The following ITGB4 variants were observed in gnomAD, a reference collection of about 807,000 sequenced individuals.
The protein encoded by ITGB4 is integrin subunit beta 4.
In ITGB4, 159 loss-of-function variants were observed where a neutral mutation model predicts 207.6. The ratio of observed to expected loss-of-function variants is 0.77; its 90% CI spans 0.67 to 0.87. The LOEUF (loss-of-function observed/expected upper bound fraction) is 0.87. Among genes scored for constraint, ITGB4 ranks in the 40% least tolerant of loss-of-function variants. The pLI is 0.00. For synonymous variants in ITGB4, 1,020 were observed against 1,062.7 expected, an observed-to-expected ratio of 0.96 and a Z score of 0.78; for missense variants, 2,278 against 2,546.8, an observed-to-expected ratio of 0.89 and a Z score of 2.27.
rs80224547 is a variant in ITGB4, at chr17:75,757,494, G to A, written c.5408G>A (p.Arg1803Gln). The A allele has an allele frequency of 8.5e-4, 1,375 of 1,613,090 alleles. 13 individuals carry two copies. In the African/African-American group the frequency reaches 0.015, roughly 18 times the overall value. The change falls in exon 40 of 40, where the codon CGG (arginine) becomes CAG (glutamine). Residue 1803 changes from arginine (R) to glutamine (Q), a missense_variant. Coordinates refer to ENST00000200181, the MANE Select transcript of ITGB4 (RefSeq NM_000213.5). ...CATGTGACCCAGGAGTTTGTGAGCC[G>A]GACACTGACCACCAGCGGAACCCTT... ...TRHVTQEFVS[R>Q]TLTTSGTLST... is the part of the protein sequence containing the mutation.
intron 1 of ITGB4, among the ~76,000 whole-genome samples, chr17:75,724,432 G>T (rs1240194051): frequency 6.6e-5 from 10 of 152,264 alleles, no homozygotes; most frequent in Admixed American, 3.3e-4. Flanking sequence ...CCTGGCACTG[G>T]GACAAACTCG....
intron 7 of ITGB4, among the ~76,000 whole-genome samples, chr17:75,730,009 G>A (rs2060814560): frequency 6.6e-6 from 1 of 152,250 alleles, no homozygotes; most frequent in African/African-American, 2.4e-5. Flanking sequence ...TGGGTGTGAT[G>A]CACGCCTGTG....
At chr17:75,736,745 A>G (rs763901032) in intron 16 of ITGB4, 51 bp downstream of exon 16, 20 of 1,562,576 alleles carry the variant, frequency 1.3e-5, no homozygotes, top group Non-Finnish European at 1.6e-5. Context: ...GGCAGCGGGC[A>G]TCCAACGGGG....
Position 75,729,327 on chromosome 17 carries a change from C to T in ITGB4, c.629C>T (p.Thr210Ile). 1.2e-6 allele frequency: 2 copies of T among 1,614,160 alleles called. No individual in the cohort carries two copies. The highest frequency in any genetic ancestry group is 1.7e-6 in the Non-Finnish European group (2 of 1,180,020). Residue 210 changes from threonine to isoleucine, a missense_variant, in exon 7 of 40, where the codon ACA becomes ATA. Transcript: ENST00000200181. This position sits in a 1 kb window ranked among gnomAD's most constrained non-coding sequence, Gnocchi z 4.4. ...PFSFKNVISLTEDVDEFRNKL... is the reference protein window; with the variant it reads ...PFSFKNVISLIEDVDEFRNKL... ...TCCTTCAAGAACGTCATCAGCCTGA[C>T]AGAAGATGTGGATGAGTTCCGGAAT... is the stretch of plus-strand genomic sequence containing the variant.
chr17:75,726,036 C>G (rs2060710877), intron 2 of ITGB4, among the ~76,000 whole-genome samples: 1 of 152,252 alleles, frequency 6.6e-6, no homozygotes, highest in Non-Finnish European at 1.5e-5. Context: ...CCGAGTGTGC[C>G]AGTGCCACTG....
intron 25 of ITGB4, among the ~76,000 whole-genome samples, chr17:75,743,288 A>C (rs1183023207): frequency 6.6e-6 from 1 of 152,042 alleles, no homozygotes; most frequent in Non-Finnish European, 1.5e-5. Context: ...GCTGGAGTGC[A>C]ATGGCACCAT....
intron 6 of ITGB4, 100 bp downstream of exon 6, chr17:75,728,573 G>T: frequency 1.0e-6 from 1 of 968,444 alleles, no homozygotes; most frequent in East Asian, 2.6e-5. Context: ...CTACGGCTGG[G>T]CACGGTGGCT....
At chr17:75,751,493 G>A in intron 30 of ITGB4, 1 of 316,300 alleles carries the variant, frequency 3.2e-6, no homozygotes, top group Non-Finnish European at 6.1e-6. Flanking sequence ...CACTTTAAAA[G>A]ATTATTTTGT....
intron 16 of ITGB4, among the ~76,000 whole-genome samples, chr17:75,737,047 T>C (rs545451506): frequency 1.3e-5 from 2 of 152,182 alleles, no homozygotes; most frequent in South Asian, 4.2e-4. Context: ...CGAGATCAGA[T>C]ACGTTTTCTG....
At position 75,757,201 on chromosome 17, in the gene ITGB4, A is replaced by C. The variant is rs1449884824; in HGVS notation, c.5220A>C (p.Gly1740=). ...GIITIESQDG[G]PFPQLGSRAG... is the part of the protein sequence containing the mutation. ...GACTGGCCTATCTGCCCACCCCAGG[A>C]CCCTTCCCGCAGCTGGGCAGCCGTG... The change falls in exon 39 of 40, where the codon GGA becomes GGC. Residue 1740 remains glycine (G), a splice_region_variant and synonymous_variant. Coordinates refer to ENST00000200181, the MANE Select transcript of ITGB4 (RefSeq NM_000213.5). 1 of 1,611,766 alleles carries C rather than the reference A, an allele frequency of 6.2e-7. No individual in the cohort carries two copies.
chr17:75,749,110 G>A, intron 27 of ITGB4, 65 bp downstream of exon 27: 6 of 1,346,216 alleles, frequency 4.5e-6, no homozygotes, highest in Non-Finnish European at 6.2e-6. Context: ...CTCTCAACTA[G>A]GTCTGTCAGA....
chr17:75,748,140 C>T (rs1304746440), intron 26 of ITGB4, among the ~76,000 whole-genome samples: 6 of 146,704 alleles, frequency 4.1e-5, no homozygotes, highest in East Asian at 4.0e-4. Context: ...GTGGGCGGAT[C>T]GCTTGAGGCC....
intron 33 of ITGB4, 175 bp from the exon 34 acceptor site, chr17:75,754,401 T>C (rs2061439025): frequency 2.7e-6 from 2 of 732,710 alleles, no homozygotes; most frequent in Non-Finnish European, 2.3e-6. Flanking sequence ...TGGGTGGCCC[T>C]TGGGCTCCTG....
rs1319550069 is a variant in ITGB4 at position 75,736,087 on chromosome 17, AGCCTGGTTGGACAG to A, written c.1698_1711del (p.Gly567LysfsTer3). The A allele has an allele frequency of 5.0e-6, 8 of 1,614,098 alleles. No individual in the cohort carries two copies. The highest frequency in any genetic ancestry group is 5.9e-6 in the Non-Finnish European group (7 of 1,180,016). ...TGCTCCATGGGCCAGTGTGTGTGTGAGCCTGGTTGGACAGGCCCAAGCTGTGACTGTCCCCTCAG... is the reference window on the plus strand; with the variant it reads ...TGCTCCATGGGCCAGTGTGTGTGTGAGCCCAAGCTGTGACTGTCCCCTCAG... On this transcript the variant is annotated frameshift_variant, in exon 14 of 40. Coordinates refer to ENST00000200181, the MANE Select transcript of ITGB4 (RefSeq NM_000213.5). LOFTEE classifies it high-confidence loss of function.
At chr17:75,738,750 C>A (rs146408060) in intron 18 of ITGB4, among the ~76,000 whole-genome samples, 1 of 152,220 alleles carries the variant, frequency 6.6e-6, no homozygotes, top group Admixed American at 6.5e-5. Context: ...GGCGGCAGAC[C>A]ACACTCCGTA....
intron 1 of ITGB4, among the ~76,000 whole-genome samples, chr17:75,723,057 C>G (rs1316659869): frequency 6.6e-6 from 1 of 152,210 alleles, no homozygotes; most frequent in East Asian, 1.9e-4. Flanking sequence ...GCCAAACACT[C>G]TTGGGTGCCT....
intron 30 of ITGB4, chr17:75,751,953 TACTC>T (rs1479768931): frequency 2.1e-5 from 13 of 627,752 alleles, no homozygotes; most frequent in Non-Finnish European, 3.2e-5. Flanking sequence ...CTCTGCCACT[TACTC>T]AGCAGAGTCC....
In ITGB4 at chr17:75,757,510, C is replaced by CG. The variant is rs747452810; in HGVS notation, c.5426dup (p.Thr1810AsnfsTer3). 3.6e-5 allele frequency: 58 copies of CG among 1,613,336 alleles called. 1 individual carries two copies. The South Asian group carries it at 3.8e-4, about 11-fold the overall frequency. ...TTGTGAGCCGGACACTGACCACCAG[C>CG]GGAACCCTTAGCACCCACATGGACC... is the stretch of plus-strand genomic sequence containing the variant. On this transcript the variant is annotated frameshift_variant, in exon 40 of 40. Transcript: ENST00000200181. LOFTEE classifies it high-confidence loss of function.
In ITGB4 at chr17:75,740,813, G is replaced by A. The variant is rs746649286; in HGVS notation, c.2571G>A (p.Gln857=). 8.7e-6 allele frequency: 14 copies of A among 1,613,370 alleles called. No individual in the cohort carries two copies. The African/African-American group carries it at 1.6e-4, about 18-fold the overall frequency. ...VEENLNEVYR[Q]ISGVHKLQQT... ...GGCAGCTGAACGAGGTCTACAGGCAGATCTCCGGTGTACACAAGCTCCAGC... is the reference window on the plus strand; with the variant it reads ...GGCAGCTGAACGAGGTCTACAGGCAAATCTCCGGTGTACACAAGCTCCAGC... Residue 857 remains glutamine, a synonymous_variant, in exon 22 of 40, where the codon CAG becomes CAA. Coordinates refer to ENST00000200181, the MANE Select transcript of ITGB4 (RefSeq NM_000213.5). The surrounding 1 kb of genome is among the most constrained non-coding windows in gnomAD (Gnocchi z 5.9).
Sources: gnomAD v4.1 joint callset for allele counts (sites outside exome capture counted in the v4.1 genomes callset) on GRCh38, gnomAD v4.1.1 for gene constraint, Gnocchi (gnomAD v3.1) non-coding constraint, MANE v1.5 for transcripts, NCBI Gene and HGNC (gene_info 2026-07-23, HGNC 2026-07-21) for gene names.